The following PRDM11 variants were observed in gnomAD, a reference collection of about 807,000 sequenced individuals.
The protein encoded by PRDM11 is PR/SET domain 11.
PRDM11 carries 20 observed loss-of-function variants against 97.8 expected under a neutral mutation model. That is an observed-to-expected ratio of 0.20 (90% CI 0.14 to 0.30). The LOEUF (loss-of-function observed/expected upper bound fraction) is 0.30. Among genes scored for constraint, PRDM11 ranks in the 10% least tolerant of loss-of-function variants. The probability of loss-of-function intolerance (pLI) is 1.00; values close to 1 mark genes in which losing one functional copy is unlikely to be tolerated. For synonymous variants in PRDM11, 599 were observed against 637.7 expected (o/e 0.94, Z 0.91); for missense variants, 1,139 against 1,555.2 (o/e 0.73, Z 4.50).
intron 5 of PRDM11, among the ~76,000 whole-genome samples, chr11:45,214,988 T>C (rs1853914929): frequency 6.6e-6 from 1 of 152,250 alleles, no homozygotes; most frequent in Non-Finnish European, 1.5e-5. Context: ...TTCATTTCTC[T>C]GCTCAAAAGT....
At chr11:45,131,074 A>G (rs1312127621) in intron 1 of PRDM11, among the ~76,000 whole-genome samples, 1 of 152,234 alleles carries the variant, frequency 6.6e-6, no homozygotes, top group African/African-American at 2.4e-5. Flanking sequence ...AAAAAATGGA[A>G]CAAACCTACT....
chr11:45,099,306 T>A (rs1246379631), intron 1 of PRDM11, among the ~76,000 whole-genome samples: 2 of 151,608 alleles, frequency 1.3e-5, no homozygotes, highest in African/African-American at 4.8e-5. Context: ...TACAAAAAAA[T>A]TAGGTGTGGT....
chr11:45,195,520 C>T (rs1016396560), intron 4 of PRDM11, among the ~76,000 whole-genome samples: 2 of 151,958 alleles, frequency 1.3e-5, no homozygotes, highest in African/African-American at 4.8e-5. Context: ...TTCATGTTTT[C>T]AAGGTTCATC....
chr11:45,116,208 C>A (rs1257357368), intron 1 of PRDM11, among the ~76,000 whole-genome samples: 1 of 152,110 alleles, frequency 6.6e-6, no homozygotes, highest in Non-Finnish European at 1.5e-5. Flanking sequence ...GACACTACAA[C>A]CCCTGTCTCA....
At chr11:45,196,965 A>T (rs1853144274) in intron 4 of PRDM11, among the ~76,000 whole-genome samples, 1 of 152,216 alleles carries the variant, frequency 6.6e-6, no homozygotes, top group Admixed American at 6.5e-5. Flanking sequence ...GTTGTTGTAA[A>T]TACTAATGCT....
chr11:45,106,306 C>T lies in PRDM11; in HGVS notation c.96+10405C>T, dbSNP rs1218861992. On this transcript the variant is annotated intron_variant, in intron 1 of 6. Coordinates refer to the PRDM11 transcript ENST00000530656. Reference sequence around the variant, plus strand: ...GGTGCAGGCTCCCTCGCAAGCCACACAGCCGTTCTCGTTGGAGGCCCTGCC... The same window carrying T: ...GGTGCAGGCTCCCTCGCAAGCCACATAGCCGTTCTCGTTGGAGGCCCTGCC... Among the ~76,000 whole-genome samples, 8 of 152,192 alleles carry T rather than the reference C, an allele frequency of 5.3e-5. No homozygotes were observed. In the East Asian group the frequency reaches 1.5e-3, roughly 29 times the overall value.
chr11:45,181,151 C>CGCGGTGGTGGAGG (rs1852482714), intron 1 of PRDM11, among the ~76,000 whole-genome samples: 1 of 152,150 alleles, frequency 6.6e-6, no homozygotes, highest in Admixed American at 6.5e-5. Context: ...TGAAGCCCGG[C>CGCGGTGGTGGAGG]GCGGTGGTGG....
chr11:45,182,442 G>A, intron 3 of PRDM11, 93 bp downstream of exon 3: 1 of 1,139,502 alleles, frequency 8.8e-7, no homozygotes, highest in Non-Finnish European at 1.3e-6. Context: ...ACTAAGATAG[G>A]TCCTCACCTG....
At chr11:45,113,818 GTGTGTGTTTTGT>G (rs1457453687) in intron 1 of PRDM11, among the ~76,000 whole-genome samples, 2 of 96,044 alleles carry the variant, frequency 2.1e-5, no homozygotes, top group African/African-American at 9.7e-5. Flanking sequence ...GTGTGTGTGT[GTGTGTGTTTTGT>G]TTTTTTTTTT....
intron 1 of PRDM11, among the ~76,000 whole-genome samples, chr11:45,098,180 C>T (rs1419789798): frequency 2.0e-5 from 3 of 152,216 alleles, no homozygotes; most frequent in African/African-American, 4.8e-5. Flanking sequence ...AGGGGATGGC[C>T]TCGTTCCCCT....
rs535372544 is a variant in PRDM11 at position 45,189,729 on chromosome 11, G to A, written c.486+6606G>A. Among the ~76,000 whole-genome samples the A allele has an allele frequency of 1.3e-5, 2 of 152,342 alleles. 1 individual carries two copies. The highest frequency in any genetic ancestry group is 4.1e-4 in the South Asian group (2 of 4,826). On this transcript the variant is annotated intron_variant, in intron 4 of 7. Transcript: ENST00000683152. The stretch of plus-strand genomic sequence containing the variant: ...AAAACTTGAAAGTGGACGTGCCAGA[G>A]CTCATGGCACATCCTCCAGAAAAGC...
rs576244753 is a variant in PRDM11, at chr11:45,133,422, C to T, written c.96+37521C>T. ...CTCTCTTGGTTCCCAAGATGACTTG[C>T]TTTCCCCAATTCTCATAACTTTCTG... On this transcript the variant is annotated intron_variant, in intron 1 of 6. Coordinates refer to the PRDM11 transcript ENST00000530656. 2.0e-5 allele frequency among the ~76,000 whole-genome samples: 3 copies of T among 152,366 alleles called. No individual in the cohort carries two copies. In the South Asian group the frequency reaches 6.2e-4, roughly 32 times the overall value.
At chr11:45,123,726 C>T (rs1378947550) in intron 1 of PRDM11, among the ~76,000 whole-genome samples, 10 of 150,888 alleles carry the variant, frequency 6.6e-5, no homozygotes, top group Admixed American at 6.6e-4. Flanking sequence ...GTACCAGTAC[C>T]ATGCTGTTTT....
chr11:45,143,039 C>T (rs769251965), upstream of PRDM11, among the ~76,000 whole-genome samples: 2 of 152,158 alleles, frequency 1.3e-5, no homozygotes, highest in East Asian at 1.9e-4. Flanking sequence ...CCTGGCAACC[C>T]GTGCAAGAAG....
At chr11:45,123,081 C>A (rs564940170) in intron 1 of PRDM11, among the ~76,000 whole-genome samples, 1 of 152,206 alleles carries the variant, frequency 6.6e-6, no homozygotes, top group East Asian at 1.9e-4. Flanking sequence ...ATTTGCATTT[C>A]TCTGATGGCC....
At chr11:45,167,329 C>T (rs1184970379) in intron 1 of PRDM11, among the ~76,000 whole-genome samples, 2 of 152,150 alleles carry the variant, frequency 1.3e-5, no homozygotes, top group African/African-American at 4.8e-5. Context: ...CACACTATCA[C>T]AATCATGGAA....
At chr11:45,136,484 G>A (rs559464505) in intron 1 of PRDM11, among the ~76,000 whole-genome samples, 1 of 152,282 alleles carries the variant, frequency 6.6e-6, no homozygotes, top group Non-Finnish European at 1.5e-5. Flanking sequence ...TAGGCAGGTG[G>A]AAGACAGCTG....
chr11:45,138,331 C>A (rs912092254), intron 1 of PRDM11, among the ~76,000 whole-genome samples: 1 of 152,062 alleles, frequency 6.6e-6, no homozygotes, highest in Non-Finnish European at 1.5e-5. Context: ...CTTGGGCAGC[C>A]GAGGAGGGAG....
chr11:45,148,249 C>A (rs967654024), intron 1 of PRDM11, among the ~76,000 whole-genome samples: 1 of 152,194 alleles, frequency 6.6e-6, no homozygotes, highest in Non-Finnish European at 1.5e-5. Flanking sequence ...CTACCTCCTC[C>A]TCATAGTCAC....
Sources: gnomAD v4.1 joint callset for allele counts (sites outside exome capture counted in the v4.1 genomes callset) on GRCh38, gnomAD v4.1.1 for gene constraint, MANE v1.5 for transcripts, NCBI Gene and HGNC (gene_info 2026-07-23, HGNC 2026-07-21) for gene names.